SPAG17: variants seen among roughly 807,000 people sequenced by gnomAD.
SPAG17 encodes sperm associated antigen 17.
In SPAG17, 169 loss-of-function variants were observed where a neutral mutation model predicts 273.6. That is an observed-to-expected ratio of 0.62 (90% CI 0.55 to 0.70). The LOEUF (loss-of-function observed/expected upper bound fraction) is 0.70, where lower values mean the gene tolerates loss of function less well. Ranked by LOEUF, SPAG17 falls within the 30% of genes least tolerant of loss-of-function variation. SPAG17 has a pLI of 0.00. For synonymous variants in SPAG17, 825 were observed against 873.2 expected (o/e 0.94, Z 0.97); for missense variants, 2,557 against 2,627.8 (o/e 0.97, Z 0.59).
chr1:118,023,906 A>G (rs1647407825), intron 27 of SPAG17, among the ~76,000 whole-genome samples: 1 of 152,174 alleles, frequency 6.6e-6, no homozygotes, highest in Non-Finnish European at 1.5e-5. Flanking sequence ...TAGGTACCAC[A>G]GATATGTCTA....
chr1:118,009,181 A>G (rs148933874), intron 30 of SPAG17, among the ~76,000 whole-genome samples: 315 of 152,062 alleles, frequency 2.1e-3, no homozygotes, highest in African/African-American at 7.3e-3. Context: ...TATAGCATAA[A>G]AACTATAGTC....
chr1:117,958,370 G>A (rs1652526623), intron 48 of SPAG17, among the ~76,000 whole-genome samples: 1 of 152,014 alleles, frequency 6.6e-6, no homozygotes, highest in South Asian at 2.1e-4. Flanking sequence ...TATGGTATAC[G>A]TGCTATTGAA....
intron 45 of SPAG17, among the ~76,000 whole-genome samples, chr1:117,971,565 C>T (rs1470062713): frequency 6.6e-6 from 1 of 152,132 alleles, no homozygotes; most frequent in Non-Finnish European, 1.5e-5. Flanking sequence ...TTTGTACAAC[C>T]TCCCCCTTTT....
Position 117,965,266 on chromosome 1 carries a change from G to A in SPAG17, c.6533-1328C>T, listed in dbSNP as rs1653679206. Reference sequence around the variant, plus strand: ...TCTTTTCCTTGAAATTCTTCCTAAGGCTTTTGAAGTATTTCACCATTTTCT... The same window carrying A: ...TCTTTTCCTTGAAATTCTTCCTAAGACTTTTGAAGTATTTCACCATTTTCT... On this transcript the variant is annotated intron_variant, in intron 47 of 48. Transcript: ENST00000336338. 2.0e-5 allele frequency: 3 copies of A among 152,044 alleles called. 1 individual carries two copies. In the South Asian group the frequency reaches 6.2e-4, roughly 32 times the overall value. 9.4% of individuals were successfully genotyped at this position (152,044 alleles called of 1,614,324 possible).
intron 48 of SPAG17, chr1:117,960,447 T>C (rs544220745): frequency 6.6e-6 from 1 of 152,340 alleles, no homozygotes; most frequent in South Asian, 2.1e-4. Flanking sequence ...GTCATCTGTT[T>C]ATAAAATGAA....
chr1:118,111,536 G>A (rs891928911), intron 4 of SPAG17, among the ~76,000 whole-genome samples: 1 of 126,226 alleles, frequency 7.9e-6, no homozygotes, highest in African/African-American at 3.3e-5. Context: ...ATGTCCGTAT[G>A]GCTTTTCTTT....
Position 118,055,723 on chromosome 1 carries a change from GGTTA to G in SPAG17, c.2722+6_2722+9del, listed in dbSNP as rs1241982739. On this transcript the variant is annotated splice_donor_region_variant and intron_variant, in intron 19 of 48. Coordinates refer to ENST00000336338, the MANE Select transcript of SPAG17 (RefSeq NM_206996.4). ...TTTTATTCTACGTATAAGTTGAACT[GGTTA>G]CTTACTTTTAGATTCTTTAATGGAA... is the stretch of plus-strand genomic sequence containing the variant. 5 of 1,592,020 alleles carry G rather than the reference GGTTA, an allele frequency of 3.1e-6. No individual in the cohort carries two copies. In the African/African-American group the frequency reaches 6.7e-5, roughly 21 times the overall value.
chr1:118,029,376 AT>A (rs919996694), intron 25 of SPAG17, among the ~76,000 whole-genome samples: 3 of 152,068 alleles, frequency 2.0e-5, no homozygotes, highest in African/African-American at 7.2e-5. Context: ...AGTCTAAGGT[AT>A]TTTTTTTATA....
Position 117,973,418 on chromosome 1 carries a change from G to C in SPAG17, c.6141+7C>G, listed in dbSNP as rs773737440. 1.2e-6 allele frequency: 2 copies of C among 1,611,886 alleles called. No individual in the cohort carries two copies. Among genetic ancestry groups the C allele is most frequent in the East Asian group, 4.5e-5 (2 of 44,836 alleles). On this transcript the variant is annotated splice_region_variant and intron_variant, in intron 44 of 48. Transcript: ENST00000336338. ...CTGTGGGGAATTTGTTCCAATGTTT[G>C]TTTTACCTTTGCAAGAGGTTGAGAC...
At chr1:118,144,190 C>A (rs981714169) in intron 3 of SPAG17, among the ~76,000 whole-genome samples, 2 of 152,200 alleles carry the variant, frequency 1.3e-5, no homozygotes, top group African/African-American at 4.8e-5. Flanking sequence ...CAAACGTATT[C>A]ACACCCTGGG....
intron 31 of SPAG17, among the ~76,000 whole-genome samples, chr1:118,007,708 T>C (rs1659043220): frequency 6.6e-6 from 1 of 152,170 alleles, no homozygotes; most frequent in Non-Finnish European, 1.5e-5. Flanking sequence ...GAGGTGAAGC[T>C]GGTCTGTTAG....
In SPAG17 at chr1:117,996,591, C is replaced by T; in HGVS notation, c.4922+7G>A. The T allele has an allele frequency of 6.2e-7, 1 of 1,607,958 alleles. No homozygotes were observed. On this transcript the variant is annotated splice_region_variant and intron_variant, in intron 33 of 48. Transcript: ENST00000336338. ...TTAAAAGTAAAATTATAGTATTATT[C>T]TTTTACCTGGGGACATGTTCACCAT...
chr1:117,999,879 T>C lies in SPAG17; in HGVS notation c.4777-3136A>G, dbSNP rs1346580450. Among the ~76,000 whole-genome samples the C allele has an allele frequency of 3.3e-5, 5 of 152,354 alleles. No individual in the cohort carries two copies. In the East Asian group the frequency reaches 9.6e-4, roughly 29 times the overall value. ...TTTGTTGCCATTGTTTTTGGTGTTT[T>C]AGTCATGAAGTACTTGCCCATGCCT... On this transcript the variant is annotated intron_variant, in intron 32 of 48. Transcript: ENST00000336338.
At chr1:117,957,340 G>A in intron 48 of SPAG17, 1 of 1,058,434 alleles carries the variant, frequency 9.4e-7, no homozygotes, top group Non-Finnish European at 1.3e-6. Context: ...ACTTTGGGAG[G>A]CTGAGGTGGG....
intron 46 of SPAG17, among the ~76,000 whole-genome samples, chr1:117,968,784 G>C (rs957787449): frequency 1.1e-4 from 17 of 152,140 alleles, no homozygotes; most frequent in African/African-American, 4.1e-4. Flanking sequence ...TTGTTAACAG[G>C]ACTGGATACT....
At chr1:118,098,876 T>A (rs1010016815) in intron 6 of SPAG17, among the ~76,000 whole-genome samples, 2 of 152,134 alleles carry the variant, frequency 1.3e-5, no homozygotes, top group African/African-American at 4.8e-5. Context: ...TTATAAAAAT[T>A]GGGATGTGGC....
At chr1:117,958,787 C>G (rs573048970) in intron 48 of SPAG17, 2 of 425,870 alleles carry the variant, frequency 4.7e-6, no homozygotes, top group Non-Finnish European at 3.8e-6. Flanking sequence ...TTTTTTTGCT[C>G]GAAACATTTC....
intron 26 of SPAG17, among the ~76,000 whole-genome samples, 183 bp from the exon 27 acceptor site, chr1:118,025,599 C>T (rs937946922): frequency 6.6e-6 from 1 of 152,124 alleles, no homozygotes; most frequent in African/African-American, 2.4e-5. Context: ...CCTCAAACTC[C>T]TGGATTCAAG....
At chr1:118,038,031 A>G (rs1354910341) in intron 23 of SPAG17, among the ~76,000 whole-genome samples, 3 of 152,214 alleles carry the variant, frequency 2.0e-5, no homozygotes, top group South Asian at 2.1e-4. Context: ...TCTGCAAAAG[A>G]CATCTGTTAA....
Sources: allele counts gnomAD v4.1 joint callset (sites outside exome capture counted in the v4.1 genomes callset), GRCh38; gene constraint gnomAD v4.1.1; transcripts MANE v1.5; gene names NCBI Gene and HGNC (gene_info 2026-07-23, HGNC 2026-07-21).